Variants in TMPRSS11E observed in about 807,000 individuals in gnomAD.
TMPRSS11E encodes transmembrane protease serine 11E.
A neutral mutation model predicts 48.1 loss-of-function variants in TMPRSS11E; 38 were observed. That is an observed-to-expected ratio of 0.79 (90% CI 0.61 to 1.04). TMPRSS11E has a LOEUF of 1.04. Ranked by LOEUF, TMPRSS11E falls within the 50% of genes least tolerant of loss-of-function variation. TMPRSS11E has a pLI of 0.00. For synonymous variants in TMPRSS11E, 158 were observed against 171.9 expected, an observed-to-expected ratio of 0.92 and a Z score of 0.63; for missense variants, 530 against 510.8, an observed-to-expected ratio of 1.04 and a Z score of -0.36.
At chr4:68,466,453 ATGT>A (rs1314306243) in intron 2 of TMPRSS11E, among the ~76,000 whole-genome samples, 175 bp from the exon 3 acceptor site, 2 of 152,126 alleles carry the variant, frequency 1.3e-5, no homozygotes, top group Non-Finnish European at 2.9e-5. Context: ...ATGATGATAA[ATGT>A]TGTTGTTTTT....
At chr4:68,451,308 A>G (rs966351312) in intron 1 of TMPRSS11E, among the ~76,000 whole-genome samples, 2 of 151,880 alleles carry the variant, frequency 1.3e-5, no homozygotes, top group African/African-American at 4.8e-5. Flanking sequence ...TCACATTTTC[A>G]GGTTTTAATA....
At chr4:68,476,960 A>G (rs1295790569) in intron 7 of TMPRSS11E, among the ~76,000 whole-genome samples, 1 of 152,222 alleles carries the variant, frequency 6.6e-6, no homozygotes, top group African/African-American at 2.4e-5. Flanking sequence ...TCTATAGTAT[A>G]TAAAATAATA....
chr4:68,463,296 G>A (rs1327542491), intron 2 of TMPRSS11E, among the ~76,000 whole-genome samples: 1 of 152,050 alleles, frequency 6.6e-6, no homozygotes, highest in South Asian at 2.1e-4. Context: ...AGATTTTTCT[G>A]TAGCACACTT....
chr4:68,458,613 A>G (rs1198027435), intron 1 of TMPRSS11E, among the ~76,000 whole-genome samples: 3 of 152,312 alleles, frequency 2.0e-5, no homozygotes. Flanking sequence ...AAATAAATTT[A>G]TTCCTTCACT....
intron 9 of TMPRSS11E, among the ~76,000 whole-genome samples, chr4:68,487,092 T>C (rs1271225330): frequency 6.6e-6 from 1 of 152,182 alleles, no homozygotes; most frequent in Non-Finnish European, 1.5e-5. Context: ...ACTCTGTCCC[T>C]TGTAAGTGGG....
At chr4:68,449,861 C>T (rs547755690) in intron 1 of TMPRSS11E, among the ~76,000 whole-genome samples, 1 of 151,842 alleles carries the variant, frequency 6.6e-6, no homozygotes, top group African/African-American at 2.4e-5. Context: ...AGTCACCTTT[C>T]CCTTCAAGGG....
intron 1 of TMPRSS11E, among the ~76,000 whole-genome samples, chr4:68,461,578 T>C (rs1282844293): frequency 2.0e-5 from 3 of 152,212 alleles, no homozygotes; most frequent in African/African-American, 7.2e-5. Flanking sequence ...AAATAGGTAC[T>C]ATCATTATCA....
chr4:68,494,887 A>T (rs1294718576), intron 9 of TMPRSS11E, among the ~76,000 whole-genome samples: 4 of 152,210 alleles, frequency 2.6e-5, no homozygotes, highest in African/African-American at 4.8e-5. Flanking sequence ...AGGAAATGCA[A>T]CCTAAAACTG....
Position 68,476,416 on chromosome 4 carries a change from A to G in TMPRSS11E, c.685A>G (p.Ser229Gly), listed in dbSNP as rs1053035381. Residue 229 changes from serine to glycine, a missense_variant, in exon 7 of 10, where the codon AGT (serine) becomes GGT (glycine). Coordinates refer to ENST00000305363, the MANE Select transcript of TMPRSS11E (RefSeq NM_014058.4). ...CTTAATTAATGCCACATGGCTTGTG[A>G]GTGCTGCTCACTGTTTTACAACGTA... is the stretch of plus-strand genomic sequence containing the variant. ...ATLINATWLV[S>G]AAHCFTTYKN... The G allele has an allele frequency of 8.7e-6, 14 of 1,612,584 alleles. No homozygotes were observed. In the African/African-American group the frequency reaches 1.7e-4, roughly 20 times the overall value.
chr4:68,478,753 C>A, intron 8 of TMPRSS11E, 96 bp from the exon 9 acceptor site: 5 of 1,365,376 alleles, frequency 3.7e-6, no homozygotes, highest in Non-Finnish European at 4.1e-6. Context: ...CCGTGCCTGG[C>A]CTGTATCACC....
intron 3 of TMPRSS11E, 41 bp downstream of exon 3, chr4:68,466,793 CT>C: frequency 6.2e-7 from 1 of 1,610,010 alleles, no homozygotes; most frequent in East Asian, 2.2e-5. Flanking sequence ...TTTGCTTTCA[CT>C]TTTTACCATA....
In TMPRSS11E at chr4:68,496,972, A is replaced by G. The variant is rs2278919; in HGVS notation, c.*168A>G. 0.54 allele frequency: 340,262 copies of G among 624,540 alleles called. 101,576 individuals are homozygous for G. Among genetic ancestry groups the G allele is most frequent in the Non-Finnish European group, 0.64 (234,786 of 364,066 alleles). 38.7% of individuals were successfully genotyped at this position (624,540 alleles called of 1,614,324 possible). A position where few individuals can be genotyped will look rare whatever the true frequency, so the allele number is the denominator to read the frequency against. ...TTTTCTTCCCAGCTCTGTTCCGCAC[A>G]TAAGCATCCTGCTTCTGCCAGATCA... On this transcript the variant is annotated 3_prime_UTR_variant, in exon 10 of 10. Transcript: ENST00000305363.
At chr4:68,480,929 G>A (rs896342978) in intron 9 of TMPRSS11E, among the ~76,000 whole-genome samples, 2 of 152,056 alleles carry the variant, frequency 1.3e-5, no homozygotes, top group East Asian at 3.9e-4. Context: ...TAACCAATAG[G>A]TAGTTTTTGG....
At chr4:68,470,746 G>T (rs1213761027) in intron 4 of TMPRSS11E, among the ~76,000 whole-genome samples, 1 of 151,848 alleles carries the variant, frequency 6.6e-6, no homozygotes, top group Non-Finnish European at 1.5e-5. Flanking sequence ...TAGCTGGCAG[G>T]ATGATTCCAA....
chr4:68,478,755 T>C, intron 8 of TMPRSS11E, 94 bp from the exon 9 acceptor site: 1 of 1,390,298 alleles, frequency 7.2e-7, no homozygotes, highest in Non-Finnish European at 1.0e-6. Flanking sequence ...GTGCCTGGCC[T>C]GTATCACCAT....
chr4:68,479,057 T>A (rs188590272), intron 9 of TMPRSS11E, 66 bp downstream of exon 9: 34 of 1,580,986 alleles, frequency 2.2e-5, no homozygotes, highest in Non-Finnish European at 2.7e-5. Flanking sequence ...AATAATTATA[T>A]ATCTACAGGA....
At chr4:68,459,454 C>T (rs544458520) in intron 1 of TMPRSS11E, among the ~76,000 whole-genome samples, 1 of 151,922 alleles carries the variant, frequency 6.6e-6, no homozygotes, top group East Asian at 1.9e-4. Flanking sequence ...ATTTGTTATT[C>T]GGCTTCTTAC....
At chr4:68,466,560 A>G in intron 2 of TMPRSS11E, 71 bp from the exon 3 acceptor site, 5 of 1,542,564 alleles carry the variant, frequency 3.2e-6, no homozygotes, top group Non-Finnish European at 4.4e-6. Context: ...GCAACCACCA[A>G]GCGGGGATAT....
At chr4:68,453,480 G>C (rs1301773674) in intron 1 of TMPRSS11E, among the ~76,000 whole-genome samples, 1 of 151,894 alleles carries the variant, frequency 6.6e-6, no homozygotes. Context: ...CTCTTGACTA[G>C]AACCTTGGTC....
Sources: gnomAD v4.1 joint callset for allele counts (sites outside exome capture counted in the v4.1 genomes callset) on GRCh38, gnomAD v4.1.1 for gene constraint, MANE v1.5 for transcripts, NCBI Gene and HGNC (gene_info 2026-07-23, HGNC 2026-07-21) for gene names.